The following MALRD1 variants were observed in gnomAD, a reference collection of about 807,000 sequenced individuals.
MALRD1 encodes the protein MAM and LDL-receptor class A domain-containing protein 1.
Under a neutral mutation model 242.1 loss-of-function variants are expected in MALRD1, and 247 were observed. The observed-to-expected ratio is 1.02, with a 90% confidence interval of 0.92 to 1.13. The LOEUF (loss-of-function observed/expected upper bound fraction) is 1.13, where lower values mean the gene tolerates loss of function less well. Among genes scored for constraint, MALRD1 ranks in the 50% most tolerant of loss-of-function variants. The pLI is 0.00. For missense variants in MALRD1, 2,989 were observed against 2,533.1 expected, an observed-to-expected ratio of 1.18 and a Z score of -3.86; for synonymous variants, 995 against 866.6, an observed-to-expected ratio of 1.15 and a Z score of -2.60.
At chr10:19,358,950 C>A (rs992559048) in intron 26 of MALRD1, among the ~76,000 whole-genome samples, 5 of 152,120 alleles carry the variant, frequency 3.3e-5, no homozygotes, top group African/African-American at 1.2e-4. Context: ...TCTAAAATTT[C>A]TAATTGCTAA....
chr10:19,310,553 A>T (rs1564550445), intron 21 of MALRD1, among the ~76,000 whole-genome samples: 1 of 151,576 alleles, frequency 6.6e-6, no homozygotes, highest in Non-Finnish European at 1.5e-5. Flanking sequence ...AATCCATCTT[A>T]GTTTTGAATT....
chr10:19,153,154 A>C (rs1834003494), intron 11 of MALRD1, among the ~76,000 whole-genome samples: 1 of 152,174 alleles, frequency 6.6e-6, no homozygotes, highest in Non-Finnish European at 1.5e-5. Flanking sequence ...AATTAAACCA[A>C]ACCTACATTC....
At chr10:19,052,353 G>A (rs182697965) in intron 1 of MALRD1, among the ~76,000 whole-genome samples, 2 of 152,122 alleles carry the variant, frequency 1.3e-5, no homozygotes, top group Non-Finnish European at 2.9e-5. Flanking sequence ...TACTGTAAAT[G>A]TTACTTTTTT....
At chr10:19,443,893 G>A (rs1348808717) in intron 28 of MALRD1, among the ~76,000 whole-genome samples, 5 of 152,132 alleles carry the variant, frequency 3.3e-5, no homozygotes, top group Non-Finnish European at 5.9e-5. Context: ...TTTCTGTCTC[G>A]TGGATCTGTC....
rs1204518587 is a variant in MALRD1, at chr10:19,569,368, T to G, written c.5680+1665T>G. 2.0e-5 allele frequency among the ~76,000 whole-genome samples: 3 copies of G among 152,120 alleles called. No homozygotes were observed. In the East Asian group the frequency reaches 5.8e-4, roughly 29 times the overall value. ...ACTTTGCTGGTATTTTTGTGTCCTT[T>G]GAATAGAATAAAGCCATTTTGTGAT... On this transcript the variant is annotated intron_variant, in intron 33 of 39. Transcript: ENST00000454679.
At chr10:19,662,360 G>A (rs1031795739) in intron 36 of MALRD1, among the ~76,000 whole-genome samples, 4 of 152,110 alleles carry the variant, frequency 2.6e-5, no homozygotes, top group South Asian at 2.1e-4. Flanking sequence ...GGGAGATTAG[G>A]AAGCACAGTA....
intron 21 of MALRD1, among the ~76,000 whole-genome samples, chr10:19,294,921 T>A (rs1224585464): frequency 6.6e-6 from 1 of 152,148 alleles, no homozygotes; most frequent in Non-Finnish European, 1.5e-5. Context: ...TATATATTTT[T>A]AATAAATATG....
chr10:19,342,362 T>C (rs1214585151), intron 24 of MALRD1, among the ~76,000 whole-genome samples: 2 of 149,128 alleles, frequency 1.3e-5, no homozygotes, highest in East Asian at 3.9e-4. Flanking sequence ...TACTACCAGA[T>C]TTCCTTTTCA....
At chr10:19,533,616 A>G (rs1283662499) in intron 32 of MALRD1, among the ~76,000 whole-genome samples, 1 of 152,190 alleles carries the variant, frequency 6.6e-6, no homozygotes, top group African/African-American at 2.4e-5. Context: ...GGCGGAATGC[A>G]AAGTGGGAGC....
At chr10:19,355,844 T>TTTATATATATATAC (rs59718638) in intron 26 of MALRD1, among the ~76,000 whole-genome samples, 1 of 49,166 alleles carries the variant, frequency 2.0e-5, no homozygotes, top group Non-Finnish European at 3.8e-5. Context: ...GAACATATAT[T>TTTATATATATATAC]ATATATATAT....
At chr10:19,689,315 C>T (rs1281121279) in intron 36 of MALRD1, among the ~76,000 whole-genome samples, 1 of 151,928 alleles carries the variant, frequency 6.6e-6, no homozygotes, top group Non-Finnish European at 1.5e-5. Context: ...TTAGTTACCT[C>T]GGGAGGATAG....
chr10:19,725,863 A>C (rs954358111), intron 38 of MALRD1, among the ~76,000 whole-genome samples: 1 of 152,230 alleles, frequency 6.6e-6, no homozygotes, highest in Admixed American at 6.5e-5. Flanking sequence ...TCTCTTCAGT[A>C]GATGATATTG....
chr10:19,100,944 G>C (rs960057678), intron 4 of MALRD1, among the ~76,000 whole-genome samples: 1 of 151,932 alleles, frequency 6.6e-6, no homozygotes, highest in African/African-American at 2.4e-5. Context: ...CTTTCAGAAA[G>C]AATAAAATGT....
chr10:19,508,160 C>T (rs1010113828), intron 31 of MALRD1, among the ~76,000 whole-genome samples: 20 of 152,172 alleles, frequency 1.3e-4, no homozygotes, highest in African/African-American at 4.8e-4. Flanking sequence ...CATGTAACTA[C>T]TGCAATAAAG....
At chr10:19,127,502 ACAT>A (rs949559260) in intron 7 of MALRD1, among the ~76,000 whole-genome samples, 1 of 152,200 alleles carries the variant, frequency 6.6e-6, no homozygotes. Flanking sequence ...TTTTAAATAA[ACAT>A]CAGAGACGTG....
chr10:19,637,564 T>A (rs531608470), intron 36 of MALRD1, among the ~76,000 whole-genome samples: 1 of 152,304 alleles, frequency 6.6e-6, no homozygotes, highest in South Asian at 2.1e-4. Context: ...TTGCTGATGC[T>A]GTGTAACTAC....
chr10:19,452,158 A>G (rs1407237907), intron 29 of MALRD1, among the ~76,000 whole-genome samples: 1 of 152,228 alleles, frequency 6.6e-6, no homozygotes, highest in African/African-American at 2.4e-5. Context: ...GATTTTAGAA[A>G]GAAAGCTTTA....
intron 27 of MALRD1, 70 bp from the exon 28 acceptor site, chr10:19,389,382 A>G: frequency 6.8e-7 from 1 of 1,465,756 alleles, no homozygotes; most frequent in South Asian, 1.2e-5. Context: ...GACCCTAACT[A>G]TGATGGAAAT....
rs1026193278 is a variant in MALRD1 at position 19,088,309 on chromosome 10, C to T, written c.597+124C>T. The T allele has an allele frequency of 8.2e-6, 7 of 852,806 alleles. No individual in the cohort carries two copies. In the African/African-American group the frequency reaches 8.8e-5, roughly 11 times the overall value. The allele number at this position is 852,806 out of a possible 1,614,324, so 52.8% of individuals were successfully genotyped here. On this transcript the variant is annotated intron_variant, in intron 4 of 39. Coordinates refer to ENST00000454679, the MANE Select transcript of MALRD1 (RefSeq NM_001142308.3). ...CCAGGGACTGAGGGATTTCCCAGGA[C>T]TTTCAAATGCTGAAAGTGGACATCT...
Sources: gnomAD v4.1 joint callset for allele counts (sites outside exome capture counted in the v4.1 genomes callset) on GRCh38, gnomAD v4.1.1 for gene constraint, MANE v1.5 for transcripts, NCBI Gene and HGNC (gene_info 2026-07-23, HGNC 2026-07-21) for gene names.